Variants in EBF4 observed in about 807,000 individuals in gnomAD.
EBF4 encodes transcription factor COE4.
EBF4 carries 34 observed loss-of-function variants against 67.1 expected under a neutral mutation model. The ratio of observed to expected loss-of-function variants is 0.51; its 90% confidence interval spans 0.39 to 0.67. The LOEUF is 0.67. Among genes scored for constraint, EBF4 ranks in the 30% least tolerant of loss-of-function variants. The pLI is 0.00. For missense variants in EBF4, 837 were observed against 873.3 expected (o/e 0.96, Z 0.52); for synonymous variants, 387 against 377.7 (o/e 1.02, Z -0.29).
chr20:2,729,076 GT>G (rs1179414585), intron 6 of EBF4, among the ~76,000 whole-genome samples: 1 of 151,784 alleles, frequency 6.6e-6, no homozygotes, highest in Admixed American at 6.6e-5. Context: ...ATTTTAAAAT[GT>G]TTTTTGATAA....
intron 6 of EBF4, among the ~76,000 whole-genome samples, chr20:2,711,976 A>G (rs2087550386): frequency 6.6e-6 from 1 of 152,226 alleles, no homozygotes; most frequent in South Asian, 2.1e-4. Context: ...ATTCTCGGCA[A>G]GAGTGTGCCT....
At chr20:2,740,880 A>T (rs918025633) in intron 6 of EBF4, among the ~76,000 whole-genome samples, 2 of 152,178 alleles carry the variant, frequency 1.3e-5, no homozygotes, top group Non-Finnish European at 2.9e-5. Context: ...GGTGGGGAGT[A>T]TATGCTCTTG....
intron 1 of EBF4, among the ~76,000 whole-genome samples, chr20:2,699,140 G>A (rs2087339196): frequency 6.6e-6 from 1 of 152,174 alleles, no homozygotes; most frequent in Non-Finnish European, 1.5e-5. Flanking sequence ...TTGCAAAGGA[G>A]CATCTCCCGG....
intron 6 of EBF4, among the ~76,000 whole-genome samples, chr20:2,712,813 G>A (rs945201282): frequency 2.0e-5 from 3 of 152,124 alleles, no homozygotes; most frequent in Admixed American, 6.6e-5. Context: ...GGGGAGTGTC[G>A]TGTCCTGAAG....
At chr20:2,736,759 A>T (rs1211781716) in intron 6 of EBF4, among the ~76,000 whole-genome samples, 1 of 152,192 alleles carries the variant, frequency 6.6e-6, no homozygotes, top group Non-Finnish European at 1.5e-5. Context: ...AGGGAGAAGC[A>T]GAGGGGGTTC....
At chr20:2,740,302 G>A (rs2087948569) in intron 6 of EBF4, among the ~76,000 whole-genome samples, 1 of 150,778 alleles carries the variant, frequency 6.6e-6, no homozygotes, top group African/African-American at 2.4e-5. Flanking sequence ...AACAGAGCGA[G>A]ACTCCGTTTC....
chr20:2,736,836 C>A (rs1448448965), intron 6 of EBF4, among the ~76,000 whole-genome samples: 2 of 152,314 alleles, frequency 1.3e-5, no homozygotes, highest in Admixed American at 6.5e-5. Flanking sequence ...GGACAAAGGA[C>A]CCCTAATGAA....
intron 6 of EBF4, among the ~76,000 whole-genome samples, chr20:2,721,740 C>G (rs1156579723): frequency 6.6e-6 from 1 of 152,166 alleles, no homozygotes; most frequent in Non-Finnish European, 1.5e-5. Context: ...CAGGTGTGAG[C>G]CACTGCACCT....
At chr20:2,732,309 A>G (rs2146448794) in intron 6 of EBF4, among the ~76,000 whole-genome samples, 1 of 152,178 alleles carries the variant, frequency 6.6e-6, no homozygotes, top group Non-Finnish European at 1.5e-5. Flanking sequence ...TTTAGTTGAG[A>G]CGGGGTTTCA....
At chr20:2,740,928 G>A (rs1347870050) in intron 6 of EBF4, among the ~76,000 whole-genome samples, 2 of 152,052 alleles carry the variant, frequency 1.3e-5, no homozygotes, top group Non-Finnish European at 2.9e-5. Context: ...GGGCAGCTGC[G>A]AGCCATTTGA....
At chr20:2,722,283 TC>T (rs754557101) in intron 6 of EBF4, among the ~76,000 whole-genome samples, 3 of 152,078 alleles carry the variant, frequency 2.0e-5, no homozygotes, top group Non-Finnish European at 4.4e-5. Context: ...AGTAAGACTT[TC>T]CTGAGTACTC....
intron 15 of EBF4, among the ~76,000 whole-genome samples, chr20:2,757,613 GT>G (rs2088265506): frequency 6.6e-6 from 1 of 152,166 alleles, no homozygotes; most frequent in Non-Finnish European, 1.5e-5. Flanking sequence ...AGGTATGTGG[GT>G]GGGAAGGCAG....
intron 16 of EBF4, 133 bp downstream of exon 16, chr20:2,759,117 TCTTC>T (rs1482248175): frequency 6.8e-6 from 6 of 886,596 alleles, no homozygotes; most frequent in Non-Finnish European, 1.0e-5. Flanking sequence ...GGGGTCCAAG[TCTTC>T]CTCCCCGGGG....
exon 16 of EBF4, chr20:2,758,934 G>C (rs2146528482): frequency 6.4e-7 from 1 of 1,551,698 alleles, no homozygotes; most frequent in East Asian, 2.4e-5. Context: ...ATTCTGACAA[G>C]TTTCACTCTC....
intron 14 of EBF4, among the ~76,000 whole-genome samples, chr20:2,753,103 C>T (rs906021920): frequency 2.6e-5 from 4 of 152,246 alleles, no homozygotes; most frequent in African/African-American, 4.8e-5. Context: ...GTTTCAGTGT[C>T]CAAATCAGGA....
intron 2 of EBF4, 27 bp from the exon 3 acceptor site, chr20:2,705,947 G>C: frequency 6.5e-7 from 1 of 1,548,706 alleles, no homozygotes; most frequent in Non-Finnish European, 8.7e-7. Context: ...CTGAGCACCC[G>C]AGCATCCTCC....
rs1434108508 is a variant in EBF4 at position 2,752,560 on chromosome 20, C to T, written c.1540+15C>T. ...GCCCTTCGCCAGTGAGTGTCCCCCGCCCGCGAGGGAAGGTCTGGGGCCGGG... is the reference window on the plus strand; with the variant it reads ...GCCCTTCGCCAGTGAGTGTCCCCCGTCCGCGAGGGAAGGTCTGGGGCCGGG... On this transcript the variant is annotated intron_variant, in intron 14 of 16. Coordinates refer to ENST00000609451, the Ensembl canonical transcript of EBF4. 1.6e-6 allele frequency: 2 copies of T among 1,235,522 alleles called. No homozygotes were observed. Among genetic ancestry groups the T allele is most frequent in the South Asian group, 3.9e-5 (1 of 25,968 alleles). The allele number at this position is 1,235,522 out of a possible 1,614,324, so 76.5% of individuals were successfully genotyped here. A position where few individuals can be genotyped will look rare whatever the true frequency, so the allele number is the denominator to read the frequency against.
Position 2,756,682 on chromosome 20 carries a change from C to T in EBF4, c.1738+858C>T, listed in dbSNP as rs747909107. Among the ~76,000 whole-genome samples, 27 of 152,338 alleles carry T rather than the reference C, an allele frequency of 1.8e-4. No homozygotes were observed. Among genetic ancestry groups the T allele is most frequent in the Non-Finnish European group, 3.5e-4 (24 of 68,034 alleles). On this transcript the variant is annotated intron_variant, in intron 15 of 16. Transcript: ENST00000609451. This position sits in a 1 kb window ranked among gnomAD's most constrained non-coding sequence, Gnocchi z 4.5. ...AATGAATATATGAGTCAGAAGGGCA[C>T]CGTTCACACCCACACAGAAGGCTGC...
At chr20:2,735,367 T>A (rs2087863861) in intron 6 of EBF4, among the ~76,000 whole-genome samples, 1 of 152,016 alleles carries the variant, frequency 6.6e-6, no homozygotes, top group Non-Finnish European at 1.5e-5. Flanking sequence ...GGCTGGGGAG[T>A]AGGGGATGGG....
Sources: allele counts gnomAD v4.1 joint callset (sites outside exome capture counted in the v4.1 genomes callset), GRCh38; gene constraint gnomAD v4.1.1; non-coding constraint Gnocchi (gnomAD v3.1); transcripts MANE v1.5; gene names NCBI Gene and HGNC (gene_info 2026-07-23, HGNC 2026-07-21).